WWOX: variants seen among roughly 807,000 people sequenced by gnomAD.
WWOX encodes WW domain-containing oxidoreductase.
WWOX carries 69 observed loss-of-function variants against 46.2 expected under a neutral mutation model. The ratio of observed to expected loss-of-function variants is 1.49; its 90% CI spans 1.23 to 1.82. WWOX has a LOEUF of 1.82. WWOX is among the 40% of genes most tolerant of loss of function. WWOX has a pLI of 0.00. For missense variants in WWOX, 919 were observed against 542.6 expected (o/e 1.69, Z -6.89); for synonymous variants, 359 against 202.6 (o/e 1.77, Z -6.56).
intron 8 of WWOX, among the ~76,000 whole-genome samples, chr16:78,828,708 A>G (rs768110583): frequency 5.3e-5 from 8 of 152,168 alleles, no homozygotes; most frequent in Non-Finnish European, 1.2e-4. Context: ...AGGGAACTGT[A>G]TTAATCGTAG....
chr16:78,730,617 A>AT (rs536906826), intron 8 of WWOX, among the ~76,000 whole-genome samples: 2,979 of 123,014 alleles, frequency 0.024, 105 homozygotes, highest in African/African-American at 0.062. Context: ...ACGCCCGGCA[A>AT]TTTTTTTTTT....
chr16:78,834,722 G>A (rs1370298212), intron 8 of WWOX, among the ~76,000 whole-genome samples: 1 of 152,082 alleles, frequency 6.6e-6, no homozygotes, highest in East Asian at 1.9e-4. Flanking sequence ...ATAGATACAG[G>A]TACAAAGGGG....
chr16:78,796,593 C>T (rs1206654756), intron 8 of WWOX, among the ~76,000 whole-genome samples: 1 of 152,212 alleles, frequency 6.6e-6, no homozygotes, highest in Non-Finnish European at 1.5e-5. Context: ...TTTTAAATTG[C>T]ATGGTCTTGT....
At chr16:78,665,343 T>C (rs1013004125) in intron 8 of WWOX, among the ~76,000 whole-genome samples, 3 of 152,228 alleles carry the variant, frequency 2.0e-5, no homozygotes, top group Admixed American at 6.5e-5. Flanking sequence ...GTAGGGATAT[T>C]CATAACTGTG....
At chr16:78,475,610 C>G (rs529855008) in intron 8 of WWOX, among the ~76,000 whole-genome samples, 1 of 152,020 alleles carries the variant, frequency 6.6e-6, no homozygotes, top group South Asian at 2.1e-4. Flanking sequence ...TATTTTAGTT[C>G]ATTTCATTTA....
At chr16:79,071,980 A>G (rs2048560149) in intron 8 of WWOX, among the ~76,000 whole-genome samples, 1 of 152,068 alleles carries the variant, frequency 6.6e-6, no homozygotes. Context: ...TCTTTTTTGT[A>G]TTAGCTTAAA....
At chr16:78,516,244 A>G (rs1239820627) in intron 8 of WWOX, among the ~76,000 whole-genome samples, 3 of 152,092 alleles carry the variant, frequency 2.0e-5, no homozygotes, top group East Asian at 1.9e-4. Flanking sequence ...ACAGACATCT[A>G]TGCCAAATGC....
At chr16:78,393,827 A>T (rs543663716) in intron 6 of WWOX, among the ~76,000 whole-genome samples, 1 of 152,022 alleles carries the variant, frequency 6.6e-6, no homozygotes, top group African/African-American at 2.4e-5. Context: ...AGAAGATAAT[A>T]TAGAACAGTG....
chr16:78,793,873 C>A (rs1049643902), intron 8 of WWOX, among the ~76,000 whole-genome samples: 1 of 151,306 alleles, frequency 6.6e-6, no homozygotes, highest in Non-Finnish European at 1.5e-5. Context: ...GGCAGGAGTT[C>A]AAGACCTCCT....
At chr16:78,221,664 A>G (rs1255666910) in intron 5 of WWOX, among the ~76,000 whole-genome samples, 2 of 152,240 alleles carry the variant, frequency 1.3e-5, no homozygotes, top group Non-Finnish European at 2.9e-5. Flanking sequence ...GAGGTTGCTA[A>G]TTAATGACCC....
chr16:78,729,658 C>T (rs1472354052), intron 8 of WWOX, among the ~76,000 whole-genome samples: 3 of 152,152 alleles, frequency 2.0e-5, no homozygotes, highest in Admixed American at 2.0e-4. Flanking sequence ...TTTGGGACTT[C>T]TGGCTTCCGG....
chr16:78,768,792 C>T (rs576553073), intron 8 of WWOX, among the ~76,000 whole-genome samples: 5 of 152,010 alleles, frequency 3.3e-5, no homozygotes, highest in Non-Finnish European at 4.4e-5. Flanking sequence ...TTTTGTGGAA[C>T]GAGAAAGTGA....
intron 8 of WWOX, among the ~76,000 whole-genome samples, chr16:79,147,394 C>G (rs867081254): frequency 2.0e-5 from 3 of 152,144 alleles, no homozygotes; most frequent in African/African-American, 7.2e-5. Context: ...GGTACAATTC[C>G]GTGGAGATTC....
intron 8 of WWOX, among the ~76,000 whole-genome samples, chr16:78,464,318 A>G (rs2084022552): frequency 6.6e-6 from 1 of 150,760 alleles, no homozygotes; most frequent in African/African-American, 2.4e-5. Context: ...GAGAGGAAAG[A>G]GGGGAAGGGA....
At chr16:78,872,009 C>T (rs1219063214) in intron 8 of WWOX, among the ~76,000 whole-genome samples, 1 of 152,182 alleles carries the variant, frequency 6.6e-6, no homozygotes, top group Non-Finnish European at 1.5e-5. Flanking sequence ...CAACAAGGGC[C>T]AACTGGAGAG....
At position 79,051,527 on chromosome 16, in the gene WWOX, G is replaced by C. The variant is rs1597326509; in HGVS notation, c.1057-160081G>C. On this transcript the variant is annotated intron_variant, in intron 8 of 8. Transcript: ENST00000566780. ...GGCTACAACTCAGTCACATGACCAT[G>C]GCTGCCTGCAAGGGAGGCTGGGAAA... Among the ~76,000 whole-genome samples, 4 of 150,714 alleles carry C rather than the reference G, an allele frequency of 2.7e-5. No homozygotes were observed. The Middle Eastern group carries it at 0.014, about 513-fold the overall frequency.
chr16:78,231,052 G>A (rs961062386), intron 5 of WWOX, among the ~76,000 whole-genome samples: 6 of 152,208 alleles, frequency 3.9e-5, no homozygotes, highest in Non-Finnish European at 8.8e-5. Flanking sequence ...AAGAGAGCAG[G>A]AAGACTGGGA....
chr16:79,073,362 T>C (rs1399320807), intron 8 of WWOX, among the ~76,000 whole-genome samples: 1 of 151,974 alleles, frequency 6.6e-6, no homozygotes, highest in Non-Finnish European at 1.5e-5. Flanking sequence ...GTATTTTTAG[T>C]GGAGACAGGG....
At chr16:78,731,587 T>C (rs2048969878) in intron 8 of WWOX, among the ~76,000 whole-genome samples, 4 of 152,148 alleles carry the variant, frequency 2.6e-5, no homozygotes, top group African/African-American at 9.7e-5. Context: ...TTGGGCTTTT[T>C]CGGTTGTGAA....
Sources: allele counts gnomAD v4.1 joint callset (sites outside exome capture counted in the v4.1 genomes callset), GRCh38; gene constraint gnomAD v4.1.1; transcripts MANE v1.5; gene names NCBI Gene and HGNC (gene_info 2026-07-23, HGNC 2026-07-21).